PHF24: variants seen among roughly 807,000 people sequenced by gnomAD.
The protein encoded by PHF24 is PHD finger protein 24, also known as Galpha inhibitory interacting protein.
Under a neutral mutation model 42.6 loss-of-function variants are expected in PHF24, and 25 were observed. That is an observed-to-expected ratio of 0.59 (90% CI 0.43 to 0.82). PHF24 has a LOEUF of 0.82. Ranked by LOEUF, PHF24 falls within the 40% of genes least tolerant of loss-of-function variation. The probability of loss-of-function intolerance (pLI) is 0.00; values close to 1 mark genes in which losing one functional copy is unlikely to be tolerated. For missense variants in PHF24, 470 were observed against 538.1 expected (o/e 0.87, Z 1.25); for synonymous variants, 185 against 204.8 (o/e 0.90, Z 0.83).
chr9:34,836,957 A>G, the PHF24 span: 4 of 392,714 alleles, frequency 1.0e-5, no homozygotes, highest in African/African-American at 4.2e-5. Flanking sequence ...TCCACTGTGT[A>G]TGTCTCCCTC....
At chr9:34,940,828 G>GCT in the PHF24 span, among the ~76,000 whole-genome samples, 4 of 152,218 alleles carry the variant, frequency 2.6e-5, no homozygotes, top group African/African-American at 9.6e-5. Context: ...TGTTCCCACT[G>GCT]TGTAAAAGCA....
the PHF24 span, chr9:34,889,442 C>A: frequency 1.0e-5 from 4 of 398,512 alleles, no homozygotes; most frequent in Non-Finnish European, 1.8e-5. Flanking sequence ...CCTCTGTTGT[C>A]TTCTGTGTTG....
At chr9:34,851,016 G>C in the PHF24 span, among the ~76,000 whole-genome samples, 16 of 152,308 alleles carry the variant, frequency 1.1e-4, no homozygotes, top group East Asian at 2.1e-3. Flanking sequence ...CTACTGGGGG[G>C]TGCCTCCCAG....
At chr9:34,813,527 A>G in the PHF24 span, among the ~76,000 whole-genome samples, 3 of 152,118 alleles carry the variant, frequency 2.0e-5, no homozygotes, top group Non-Finnish European at 2.9e-5. Context: ...CTGGGGAAGA[A>G]TCTTCTTCCA....
the PHF24 span, among the ~76,000 whole-genome samples, chr9:34,855,205 A>G: frequency 2.0e-5 from 3 of 152,130 alleles, no homozygotes; most frequent in Admixed American, 1.3e-4. Flanking sequence ...ACAGCATACC[A>G]ATGGGGCTTG....
chr9:34,936,259 C>G, the PHF24 span, among the ~76,000 whole-genome samples: 1 of 152,156 alleles, frequency 6.6e-6, no homozygotes, highest in Non-Finnish European at 1.5e-5. Flanking sequence ...TTGGTGGAGA[C>G]GGGGTTTCGC....
At chr9:34,768,671 T>A in the PHF24 span, among the ~76,000 whole-genome samples, 2 of 152,216 alleles carry the variant, frequency 1.3e-5, no homozygotes, top group African/African-American at 4.8e-5. Flanking sequence ...TAAGGAACAC[T>A]CTCACTAAAG....
the PHF24 span, among the ~76,000 whole-genome samples, chr9:34,825,503 T>C: frequency 6.6e-6 from 1 of 152,048 alleles, no homozygotes. Context: ...CATTTGTGTC[T>C]GTGGGTCTGT....
the PHF24 span, among the ~76,000 whole-genome samples, chr9:34,782,948 C>T: frequency 6.6e-6 from 1 of 152,134 alleles, no homozygotes; most frequent in African/African-American, 2.4e-5. Flanking sequence ...CCATCTAAGC[C>T]CTTCCTGATT....
chr9:34,921,178 T>G, the PHF24 span, among the ~76,000 whole-genome samples: 1 of 100,208 alleles, frequency 1.0e-5, no homozygotes, highest in African/African-American at 2.9e-5. Flanking sequence ...TACCCAGTTG[T>G]TTTTTTTTTC....
chr9:34,779,313 T>C, the PHF24 span, among the ~76,000 whole-genome samples: 2 of 152,150 alleles, frequency 1.3e-5, no homozygotes, highest in African/African-American at 4.8e-5. Context: ...CTTGGTTCTT[T>C]GAAATGATTA....
the PHF24 span, among the ~76,000 whole-genome samples, chr9:34,742,367 T>A: frequency 1.3e-5 from 2 of 152,134 alleles, no homozygotes; most frequent in South Asian, 2.1e-4. Flanking sequence ...ACCAATGACC[T>A]TGGACTCTGA....
chr9:34,703,194 A>T, the PHF24 span, among the ~76,000 whole-genome samples: 1 of 150,862 alleles, frequency 6.6e-6, no homozygotes, highest in African/African-American at 2.4e-5. Context: ...TTTTTTTTTG[A>T]GACGGAGTCT....
chr9:34,756,727 G>GT, the PHF24 span, among the ~76,000 whole-genome samples: 299 of 151,714 alleles, frequency 2.0e-3, 2 homozygotes, highest in African/African-American at 6.4e-3. Context: ...AATTTTAAGG[G>GT]TTTTTTTTCT....
At chr9:34,780,244 T>C in the PHF24 span, among the ~76,000 whole-genome samples, 1 of 151,966 alleles carries the variant, frequency 6.6e-6, no homozygotes, top group Non-Finnish European at 1.5e-5. Flanking sequence ...TTTATAGCCT[T>C]AGATTTGGCA....
chr9:34,833,851 G>T, the PHF24 span: 1 of 1,549,226 alleles, frequency 6.5e-7, no homozygotes, highest in South Asian at 1.2e-5. Flanking sequence ...GGATTTCCAC[G>T]GGACTAGGCT....
chr9:34,845,846 G>A, the PHF24 span, among the ~76,000 whole-genome samples: 7 of 148,334 alleles, frequency 4.7e-5, no homozygotes, highest in Non-Finnish European at 8.9e-5. Flanking sequence ...GAGAATATGC[G>A]GTGTTTGGTT....
the PHF24 span, chr9:34,681,261 T>C: frequency 6.6e-6 from 1 of 152,208 alleles, no homozygotes; most frequent in Non-Finnish European, 1.5e-5. Flanking sequence ...ACTCCTCAGA[T>C]TTGGATGTCA....
chr9:34,839,915 G>C, the PHF24 span, among the ~76,000 whole-genome samples: 1 of 152,152 alleles, frequency 6.6e-6, no homozygotes, highest in Non-Finnish European at 1.5e-5. Flanking sequence ...ATTAATTTTG[G>C]AGTTTTGTCT....
Sources: gnomAD v4.1 joint callset for allele counts (sites outside exome capture counted in the v4.1 genomes callset) on GRCh38, gnomAD v4.1.1 for gene constraint, MANE v1.5 for transcripts, NCBI Gene and HGNC (gene_info 2026-07-23, HGNC 2026-07-21) for gene names.